The following CDA variants were observed in gnomAD, a reference collection of about 807,000 sequenced individuals.
CDA encodes the protein cytidine aminohydrolase.
CDA carries 7 observed loss-of-function variants against 15.0 expected under a neutral mutation model. The ratio of observed to expected loss-of-function variants is 0.47; its 90% CI spans 0.26 to 0.87. The LOEUF (loss-of-function observed/expected upper bound fraction) is 0.87. Ranked by LOEUF, CDA falls within the 40% of genes least tolerant of loss-of-function variation. The pLI is 0.15. For synonymous variants in CDA, 58 were observed against 73.0 expected, an observed-to-expected ratio of 0.79 and a Z score of 1.05; for missense variants, 159 against 182.7, an observed-to-expected ratio of 0.87 and a Z score of 0.75.
intron 3 of CDA, among the ~76,000 whole-genome samples, chr1:20,617,836 C>T (rs2052829866): frequency 2.0e-5 from 3 of 151,682 alleles, no homozygotes; most frequent in African/African-American, 7.3e-5. Context: ...GCTGGGATTA[C>T]ATGTGCTTGC....
At chr1:20,604,607 A>T (rs1019505716) in intron 1 of CDA, among the ~76,000 whole-genome samples, 1 of 152,046 alleles carries the variant, frequency 6.6e-6, no homozygotes, top group Non-Finnish European at 1.5e-5. Flanking sequence ...AAGCCTCGGG[A>T]TCTACCCTGG....
intron 2 of CDA, among the ~76,000 whole-genome samples, chr1:20,611,057 T>G (rs2052745539): frequency 6.6e-6 from 1 of 152,226 alleles, no homozygotes; most frequent in Non-Finnish European, 1.5e-5. Flanking sequence ...CTGGGCAATA[T>G]AGTAAGATCC....
intron 3 of CDA, among the ~76,000 whole-genome samples, chr1:20,617,931 G>A (rs1202264397): frequency 6.6e-6 from 1 of 152,016 alleles, no homozygotes; most frequent in East Asian, 1.9e-4. Context: ...CCTGACCTCA[G>A]GAGATCCGCC....
intron 2 of CDA, 32 bp from the exon 3 acceptor site, chr1:20,613,810 A>G (rs2052776351): frequency 1.2e-6 from 2 of 1,603,822 alleles, no homozygotes; most frequent in East Asian, 2.2e-5. Flanking sequence ...CTTGGGAGAG[A>G]CTAATTTGAG....
intron 1 of CDA, among the ~76,000 whole-genome samples, chr1:20,590,541 C>T (rs1290884353): frequency 6.6e-6 from 1 of 152,184 alleles, no homozygotes; most frequent in Non-Finnish European, 1.5e-5. Flanking sequence ...TTTCGAAAGC[C>T]TCCACATCCT....
At chr1:20,591,226 A>G (rs912673913) in intron 1 of CDA, among the ~76,000 whole-genome samples, 3 of 152,118 alleles carry the variant, frequency 2.0e-5, no homozygotes, top group Non-Finnish European at 4.4e-5. Flanking sequence ...CTGTAGTCCC[A>G]GCTACTCGGG....
At chr1:20,595,881 A>G (rs983842533) in intron 1 of CDA, among the ~76,000 whole-genome samples, 2 of 150,194 alleles carry the variant, frequency 1.3e-5, no homozygotes, top group African/African-American at 4.9e-5. Flanking sequence ...ACGGTGGCTC[A>G]TACCTGTAAT....
At chr1:20,604,830 G>T (rs568054769) in intron 1 of CDA, 98 bp from the exon 2 acceptor site, 1 of 816,236 alleles carries the variant, frequency 1.2e-6, no homozygotes, top group East Asian at 2.7e-5. Flanking sequence ...GGAGTAACCA[G>T]TTCCTTCCTG....
Position 20,589,118 on chromosome 1 carries a change from CG to C in CDA, c.-8del. 6.2e-7 allele frequency: 1 copy of C among 1,614,028 alleles called. No individual in the cohort carries two copies. The highest frequency in any genetic ancestry group is 8.5e-7 in the Non-Finnish European group (1 of 1,180,008). ...GTTTCCCGCTGCTCTGCTGCCTGCC[CG>C]GGGTACCAACATGGCCCAGAAGCGT... On this transcript the variant is annotated 5_prime_UTR_variant, in exon 1 of 4. Coordinates refer to ENST00000375071, the MANE Select transcript of CDA (RefSeq NM_001785.3).
chr1:20,590,298 A>G (rs818202), intron 1 of CDA, among the ~76,000 whole-genome samples: 82,156 of 152,004 alleles, frequency 0.54, 22,881 homozygotes, highest in Middle Eastern at 0.61. Context: ...TTCAGAGCTC[A>G]AAATCACAGA....
chr1:20,600,328 G>A (rs2052630789), intron 1 of CDA, among the ~76,000 whole-genome samples: 2 of 152,166 alleles, frequency 1.3e-5, no homozygotes, highest in South Asian at 4.1e-4. Flanking sequence ...GGGCGGGGCT[G>A]GGAGAGTCAC....
chr1:20,618,081 TAG>T, intron 3 of CDA, among the ~76,000 whole-genome samples: 1 of 151,782 alleles, frequency 6.6e-6, no homozygotes. Context: ...TGAGTATATG[TAG>T]CAGGCTTGCA....
At chr1:20,592,004 G>T (rs535296841) in intron 1 of CDA, among the ~76,000 whole-genome samples, 1 of 152,106 alleles carries the variant, frequency 6.6e-6, no homozygotes, top group East Asian at 1.9e-4. Flanking sequence ...TACACACCTG[G>T]CTAATTTTTG....
chr1:20,605,486 C>T (rs1438627955), intron 2 of CDA, among the ~76,000 whole-genome samples: 9 of 138,340 alleles, frequency 6.5e-5, no homozygotes, highest in African/African-American at 1.8e-4. Flanking sequence ...AGTGAAACCC[C>T]GTCTCTACTA....
intron 2 of CDA, among the ~76,000 whole-genome samples, chr1:20,607,484 GA>G (rs552903744): frequency 1.6e-3 from 248 of 152,212 alleles, no homozygotes; most frequent in African/African-American, 5.7e-3. Context: ...GAAAAGGAGG[GA>G]AATAACTCAA....
intron 2 of CDA, among the ~76,000 whole-genome samples, chr1:20,610,502 T>C (rs2154532735): frequency 6.6e-6 from 1 of 152,146 alleles, no homozygotes; most frequent in Middle Eastern, 3.4e-3. Context: ...GGTTTCACCA[T>C]GTTGGCCAGG....
chr1:20,599,611 C>T (rs1048819555), intron 1 of CDA, among the ~76,000 whole-genome samples: 9 of 20,554 alleles, frequency 4.4e-4, no homozygotes, highest in Non-Finnish European at 7.8e-4. Context: ...AGCAAGACTC[C>T]GTCTCCAAAA....
intron 2 of CDA, among the ~76,000 whole-genome samples, chr1:20,612,099 G>A (rs2052757667): frequency 6.6e-6 from 1 of 151,918 alleles, no homozygotes; most frequent in South Asian, 2.1e-4. Flanking sequence ...CTGACCTCAG[G>A]TGATCCATCC....
chr1:20,609,826 G>T (rs188830095), intron 2 of CDA, among the ~76,000 whole-genome samples: 1 of 152,118 alleles, frequency 6.6e-6, no homozygotes, highest in Middle Eastern at 3.2e-3. Flanking sequence ...GAGTTCACTC[G>T]GCATCCTGGG....
Sources: gnomAD v4.1 joint callset for allele counts (sites outside exome capture counted in the v4.1 genomes callset) on GRCh38, gnomAD v4.1.1 for gene constraint, MANE v1.5 for transcripts, NCBI Gene and HGNC (gene_info 2026-07-23, HGNC 2026-07-21) for gene names.